Variants in ATP10B observed in about 807,000 individuals in gnomAD.
ATP10B encodes ATPase phospholipid transporting 10B (putative).
ATP10B carries 122 observed loss-of-function variants against 141.2 expected under a neutral mutation model. That is an observed-to-expected ratio of 0.86 (90% CI 0.75 to 1.00). ATP10B has a LOEUF of 1.00. Among genes scored for constraint, ATP10B ranks in the 50% least tolerant of loss-of-function variants. ATP10B has a pLI of 0.00. For missense variants in ATP10B, 1,876 were observed against 1,825.3 expected (o/e 1.03, Z -0.51); for synonymous variants, 685 against 692.0 (o/e 0.99, Z 0.16).
In ATP10B at chr5:160,565,679, G is replaced by C. The variant is rs764582749; in HGVS notation, c.4160C>G (p.Pro1387Arg). The change falls in exon 26 of 26, where the codon CCT becomes CGT. Residue 1387 changes from proline to arginine, a missense_variant. Physicochemically the swap from Pro to Arg is moderately radical, Grantham distance 103. Coordinates refer to ENST00000327245, the MANE Select transcript of ATP10B (RefSeq NM_025153.3). ...CTCTTCCACATGCTTCCTCTTGGGA[G>C]GGTTAGAGCTCTTTGGGGTGCTGGC... Reference protein sequence around the residue: ...FSASTPKSSNPPKRKHVEESV... With the variant: ...FSASTPKSSNRPKRKHVEESV... 3.0e-5 allele frequency: 48 copies of C among 1,613,972 alleles called. No individual in the cohort carries two copies. The highest frequency in any genetic ancestry group is 3.9e-5 in the Non-Finnish European group (46 of 1,179,978).
At position 160,585,386 on chromosome 5, in the gene ATP10B, C is replaced by T. The variant is rs116671703; in HGVS notation, c.3750+4206G>A. On this transcript the variant is annotated intron_variant, in intron 24 of 25. Transcript: ENST00000327245. ...TTGGGAGGCTGAGACGGGCGGATCA[C>T]GAGGTCAGGAGATTGAGACCATCTT... Among the ~76,000 whole-genome samples, 1,441 of 152,218 alleles carry T rather than the reference C, an allele frequency of 9.5e-3. 18 individuals carry two copies. Among genetic ancestry groups the T allele is most frequent in the African/African-American group, 0.033 (1,359 of 41,530 alleles).
rs114190727 is a variant in ATP10B, at chr5:160,812,291, G to A, written c.-575-26488C>T. Reference sequence around the variant, plus strand: ...ATACCTGAAAGGCCTTCCCAAGGAGGATGGGTAGAAACAAGCCCAGATTGT... The same window carrying A: ...ATACCTGAAAGGCCTTCCCAAGGAGAATGGGTAGAAACAAGCCCAGATTGT... On this transcript the variant is annotated intron_variant, in intron 1 of 25. Transcript: ENST00000327245. Among the ~76,000 whole-genome samples the A allele has an allele frequency of 7.0e-3, 1,062 of 152,288 alleles. 18 individuals are homozygous for A. Among genetic ancestry groups the A allele is most frequent in the African/African-American group, 0.024 (1,001 of 41,554 alleles).
intron 13 of ATP10B, among the ~76,000 whole-genome samples, chr5:160,629,252 G>T (rs1581225734): frequency 6.6e-6 from 1 of 152,146 alleles, no homozygotes. Flanking sequence ...GCCACCTGGG[G>T]CTGCCACAGG....
At chr5:160,850,102 T>C (rs1205923222) in intron 1 of ATP10B, among the ~76,000 whole-genome samples, 1 of 152,000 alleles carries the variant, frequency 6.6e-6, no homozygotes, top group Admixed American at 6.6e-5. Flanking sequence ...GTTTGAAGAA[T>C]GAAAGTGGTA....
intron 9 of ATP10B, among the ~76,000 whole-genome samples, chr5:160,641,576 C>A (rs193098856): frequency 6.6e-6 from 1 of 152,286 alleles, no homozygotes; most frequent in East Asian, 1.9e-4. Flanking sequence ...ACATTGTGAA[C>A]CCAAGATTCA....
At chr5:160,802,001 C>T (rs1407912539) in intron 1 of ATP10B, among the ~76,000 whole-genome samples, 2 of 152,108 alleles carry the variant, frequency 1.3e-5, no homozygotes, top group Non-Finnish European at 2.9e-5. Context: ...TCAAGATGAA[C>T]GTTTGCCAGC....
intron 2 of ATP10B, among the ~76,000 whole-genome samples, chr5:160,753,656 A>G (rs1037470902): frequency 3.0e-4 from 46 of 152,340 alleles, no homozygotes; most frequent in African/African-American, 1.1e-3. Flanking sequence ...TTTTCCCAAC[A>G]GCTATTATGT....
Position 160,769,918 on chromosome 5 carries a change from G to A in ATP10B, c.-331+15641C>T, listed in dbSNP as rs188649518. Among the ~76,000 whole-genome samples the A allele has an allele frequency of 5.6e-3, 855 of 152,252 alleles. 1 individual carries two copies. Among genetic ancestry groups the A allele is most frequent in the Admixed American group, 9.3e-3 (142 of 15,292 alleles). Reference sequence around the variant, plus strand: ...GTACAGTTCATGATTTTGCCCGAAGGGGATGCCATGTCACCTGGATTCTAA... The same window carrying A: ...GTACAGTTCATGATTTTGCCCGAAGAGGATGCCATGTCACCTGGATTCTAA... On this transcript the variant is annotated intron_variant, in intron 2 of 25. Coordinates refer to ENST00000327245, the MANE Select transcript of ATP10B (RefSeq NM_025153.3).
intron 3 of ATP10B, among the ~76,000 whole-genome samples, chr5:160,708,126 A>T (rs1459405232): frequency 6.6e-6 from 1 of 152,192 alleles, no homozygotes. Flanking sequence ...ACTGAGGCAG[A>T]TCCACTGACG....
In ATP10B at chr5:160,670,446, A is replaced by C. The variant is rs1990888; in HGVS notation, c.675+17T>G. ...TTTCTATGACTTTACCATTGAAGAT[A>C]TTAGAAAGAGCCCTACCTGCTGTGA... is the stretch of plus-strand genomic sequence containing the variant. On this transcript the variant is annotated intron_variant, in intron 7 of 25. Transcript: ENST00000327245. 0.86 allele frequency: 1,390,639 copies of C among 1,612,506 alleles called. 601,116 individuals are homozygous for C. The highest frequency in any genetic ancestry group is 0.93 in the African/African-American group (69,367 of 74,934).
chr5:160,696,811 G>A (rs1018970004), intron 3 of ATP10B, among the ~76,000 whole-genome samples: 4 of 152,162 alleles, frequency 2.6e-5, no homozygotes, highest in African/African-American at 9.7e-5. Flanking sequence ...ATGCACCCAA[G>A]CATTGTAGTA....
the ATP10B span, among the ~76,000 whole-genome samples, chr5:160,920,930 G>T: frequency 6.6e-6 from 1 of 152,178 alleles, no homozygotes; most frequent in Admixed American, 6.5e-5. Context: ...TACAGTCTCA[G>T]TTTGGTGCTA....
At chr5:160,799,020 G>A (rs1772164019) in intron 1 of ATP10B, among the ~76,000 whole-genome samples, 1 of 152,040 alleles carries the variant, frequency 6.6e-6, no homozygotes. Flanking sequence ...CAAAGTACTG[G>A]GATTACAGGC....
At chr5:160,715,113 C>T (rs1217626447) in intron 3 of ATP10B, among the ~76,000 whole-genome samples, 3 of 148,304 alleles carry the variant, frequency 2.0e-5, no homozygotes, top group East Asian at 2.0e-4. Flanking sequence ...CAGAGGCAGG[C>T]AGGCCTCCTT....
intron 1 of ATP10B, among the ~76,000 whole-genome samples, chr5:160,788,379 A>T (rs1402375959): frequency 6.6e-6 from 1 of 152,150 alleles, no homozygotes; most frequent in East Asian, 1.9e-4. Flanking sequence ...AAGTAGAAAT[A>T]TTCTTCCGTT....
In ATP10B at chr5:160,639,461, G is replaced by A. The variant is rs558362984; in HGVS notation, c.1000+1000C>T. Among the ~76,000 whole-genome samples, 11 of 152,304 alleles carry A rather than the reference G, an allele frequency of 7.2e-5. No homozygotes were observed. The South Asian group carries it at 2.3e-3, about 32-fold the overall frequency. ...ATCACAGGTGTCTTGTAAAAGGCAG[G>A]GAGAGCTACTGCTGCAGATGAGGAG... is the stretch of plus-strand genomic sequence containing the variant. On this transcript the variant is annotated intron_variant, in intron 10 of 25. Coordinates refer to ENST00000327245, the MANE Select transcript of ATP10B (RefSeq NM_025153.3).
the ATP10B span, among the ~76,000 whole-genome samples, chr5:160,876,906 C>A: frequency 5.7e-5 from 8 of 140,752 alleles, no homozygotes; most frequent in Non-Finnish European, 7.9e-5. Flanking sequence ...GTTTACCAAC[C>A]AAAAAGAGTC....
the ATP10B span, among the ~76,000 whole-genome samples, chr5:160,881,228 AAAC>A: frequency 2.0e-5 from 3 of 152,180 alleles, no homozygotes; most frequent in East Asian, 5.8e-4. Flanking sequence ...ATGCAAACTA[AAAC>A]AACAACAGGA....
At chr5:160,634,659 G>C (rs549651374) in intron 11 of ATP10B, 53 bp from the exon 12 acceptor site, 2 of 1,544,982 alleles carry the variant, frequency 1.3e-6, no homozygotes, top group South Asian at 2.6e-5. Context: ...TCCCTCCCTT[G>C]GGATCCTCAC....
Sources: gnomAD v4.1 joint callset for allele counts (sites outside exome capture counted in the v4.1 genomes callset) on GRCh38, gnomAD v4.1.1 for gene constraint, MANE v1.5 for transcripts, NCBI Gene and HGNC (gene_info 2026-07-23, HGNC 2026-07-21) for gene names.